MYT1: variants seen among roughly 807,000 people sequenced by gnomAD.
MYT1 encodes the protein myelin transcription factor I.
MYT1 carries 23 observed loss-of-function variants against 123.0 expected under a neutral mutation model. That is an observed-to-expected ratio of 0.19 (90% confidence interval 0.13 to 0.26). The LOEUF is 0.26. Among genes scored for constraint, MYT1 ranks in the 10% least tolerant of loss-of-function variants. The pLI is 1.00. For synonymous variants in MYT1, 518 were observed against 575.3 expected, an observed-to-expected ratio of 0.90 and a Z score of 1.43; for missense variants, 1,125 against 1,472.5, an observed-to-expected ratio of 0.76 and a Z score of 3.86.
In MYT1 at chr20:64,212,791, T is replaced by C. The variant is rs1014351373; in HGVS notation, c.1517+653T>C. ...GGTGTAGTTGTTGACTGGTCTTCTA[T>C]GGTGAGGGGGGACTACTCCTCCAGC... On this transcript the variant is annotated intron_variant, in intron 9 of 22. Coordinates refer to ENST00000328439, the MANE Select transcript of MYT1 (RefSeq NM_004535.3). This position sits in a 1 kb window ranked among gnomAD's most constrained non-coding sequence, Gnocchi z 6.8. 6.6e-5 allele frequency among the ~76,000 whole-genome samples: 10 copies of C among 151,904 alleles called. No individual in the cohort carries two copies. The highest frequency in any genetic ancestry group is 1.9e-4 in the African/African-American group (8 of 41,344).
chr20:64,236,740 GA>G (rs1346311709), intron 20 of MYT1, 94 bp downstream of exon 20: 2 of 1,081,796 alleles, frequency 1.8e-6, no homozygotes, highest in African/African-American at 3.1e-5. Context: ...GAAGGTTAGG[GA>G]GATGAAGCCC....
intron 10 of MYT1, 70 bp from the exon 11 acceptor site, chr20:64,216,997 G>T: frequency 6.9e-7 from 1 of 1,459,226 alleles, no homozygotes; most frequent in African/African-American, 1.4e-5. Context: ...TGCAGATTGG[G>T]GTTGGGGAGG....
rs184628913 is a variant in MYT1 at position 64,202,021 on chromosome 20, G to A, written c.86+2099G>A. Among the ~76,000 whole-genome samples the A allele has an allele frequency of 5.2e-4, 78 of 150,600 alleles. No individual in the cohort carries two copies. The highest frequency in any genetic ancestry group is 3.4e-3 in the Admixed American group (51 of 15,138). Reference sequence around the variant, plus strand: ...CCCCCGCGTGTCGGGAACCCCTCGCGTGTCGGGAACCCCCGCGTGTCGGGA... The same window carrying A: ...CCCCCGCGTGTCGGGAACCCCTCGCATGTCGGGAACCCCCGCGTGTCGGGA... On this transcript the variant is annotated intron_variant, in intron 4 of 22. Transcript: ENST00000328439. This position sits in a 1 kb window ranked among gnomAD's most constrained non-coding sequence, Gnocchi z 5.0.
chr20:64,173,517 GACTTCTCCTCCTGCAGCATCCTTCCCTT>G (rs1982355693), intron 1 of MYT1, among the ~76,000 whole-genome samples: 16 of 128,244 alleles, frequency 1.2e-4, no homozygotes, highest in South Asian at 7.9e-4. Flanking sequence ...TCCCCTCCCT[GACTTCTCCTCCTGCAGCATCCTTCCCTT>G]TAGTTGTGTC....
At chr20:64,177,630 C>CACCCCTCTCCAGGGT (rs1982505468) in intron 1 of MYT1, among the ~76,000 whole-genome samples, 1 of 139,438 alleles carries the variant, frequency 7.2e-6, no homozygotes, top group Non-Finnish European at 1.5e-5. Context: ...TCTCCGGGGG[C>CACCCCTCTCCAGGGT]GGGGACAAGA....
At position 64,212,785 on chromosome 20, in the gene MYT1, C is replaced by T. The variant is rs1055976788; in HGVS notation, c.1517+647C>T. 1.3e-5 allele frequency among the ~76,000 whole-genome samples: 2 copies of T among 151,928 alleles called. No individual in the cohort carries two copies. Among genetic ancestry groups the T allele is most frequent in the Admixed American group, 1.3e-4 (2 of 15,260 alleles). ...CCTCGAGGTGTAGTTGTTGACTGGT[C>T]TTCTATGGTGAGGGGGGACTACTCC... On this transcript the variant is annotated intron_variant, in intron 9 of 22. Transcript: ENST00000328439. The surrounding 1 kb of genome is among the most constrained non-coding windows in gnomAD (Gnocchi z 6.8).
At chr20:64,234,215 G>C (rs886840441) in intron 19 of MYT1, among the ~76,000 whole-genome samples, 2 of 152,176 alleles carry the variant, frequency 1.3e-5, no homozygotes, top group African/African-American at 2.4e-5. Context: ...TTTTCTGCTT[G>C]AGTGTCTATA....
chr20:64,219,161 C>A, intron 12 of MYT1, 126 bp downstream of exon 12: 1 of 1,313,502 alleles, frequency 7.6e-7, no homozygotes, highest in South Asian at 1.5e-5. Flanking sequence ...AATTCTCATT[C>A]TTAACTTTTT....
chr20:64,241,873 A>G lies in MYT1; in HGVS notation c.*1425A>G, dbSNP rs1189012455. 1.3e-5 allele frequency: 2 copies of G among 152,200 alleles called. No individual in the cohort carries two copies. The highest frequency in any genetic ancestry group is 4.8e-5 in the African/African-American group (2 of 41,350). The allele number at this position is 152,200 out of a possible 1,614,324, so 9.4% of individuals were successfully genotyped here. On this transcript the variant is annotated 3_prime_UTR_variant, in exon 23 of 23. Transcript: ENST00000328439. The surrounding 1 kb of genome is among the most constrained non-coding windows in gnomAD (Gnocchi z 4.2). The stretch of plus-strand genomic sequence containing the variant: ...ACTGAGGAATTTTGATAATTTGGGG[A>G]TTTTGTTTTCCCTTGGTCTAATGGA...
Position 64,205,700 on chromosome 20 carries a change from G to A in MYT1, c.297G>A (p.Val99=), listed in dbSNP as rs1983468988. ...VDSDGSEDTE[V]KDASVSDESE... The stretch of plus-strand genomic sequence containing the variant: ...GCGACGGCAGTGAGGACACTGAGGT[G>A]AAGGACGCCTCTGTTTCGGATGAAT... The change falls in exon 6 of 23, where the codon GTG becomes GTA. Residue 99 remains valine, a synonymous_variant. Coordinates refer to ENST00000328439, the MANE Select transcript of MYT1 (RefSeq NM_004535.3). 1 of 1,614,200 alleles carries A rather than the reference G, an allele frequency of 6.2e-7. No individual in the cohort carries two copies. Among genetic ancestry groups the A allele is most frequent in the Non-Finnish European group, 8.5e-7 (1 of 1,180,018 alleles).
intron 1 of MYT1, among the ~76,000 whole-genome samples, chr20:64,165,025 AG>A (rs1432856158): frequency 6.6e-6 from 1 of 152,058 alleles, no homozygotes; most frequent in Non-Finnish European, 1.5e-5. Flanking sequence ...AGGAGACATT[AG>A]GGGAAGGGGA....
At chr20:64,180,886 A>C (rs1982635205) in intron 1 of MYT1, among the ~76,000 whole-genome samples, 1 of 151,902 alleles carries the variant, frequency 6.6e-6, no homozygotes, top group Non-Finnish European at 1.5e-5. Context: ...TGCCACATGC[A>C]CCTCCCTGCC....
At position 64,239,755 on chromosome 20, in the gene MYT1, C is replaced by T. The variant is rs146482992; in HGVS notation, c.3094-5C>T. ...GGCGGCACTTCGAATCTCTCTCTGG[C>T]ACAGATCTCCTCCATGGAGAAGAAC... On this transcript the variant is annotated splice_polypyrimidine_tract_variant and splice_region_variant and intron_variant, in intron 21 of 22. Coordinates refer to ENST00000328439, the MANE Select transcript of MYT1 (RefSeq NM_004535.3). The T allele has an allele frequency of 9.4e-5, 151 of 1,613,796 alleles. No homozygotes were observed. The highest frequency in any genetic ancestry group is 1.2e-4 in the Non-Finnish European group (145 of 1,179,930).
intron 1 of MYT1, among the ~76,000 whole-genome samples, chr20:64,187,336 G>C (rs1385205796): frequency 6.4e-5 from 9 of 141,210 alleles, no homozygotes; most frequent in Admixed American, 1.4e-4. Flanking sequence ...TCCGTGGAGA[G>C]TTTTCCTGTA....
At position 64,193,393 on chromosome 20, in the gene MYT1, G is replaced by T. The variant is rs948580676; in HGVS notation, c.-1+3233G>T. Among the ~76,000 whole-genome samples the T allele has an allele frequency of 6.6e-6, 1 of 152,154 alleles. No individual in the cohort carries two copies. Among genetic ancestry groups the T allele is most frequent in the East Asian group, 1.9e-4 (1 of 5,186 alleles). On this transcript the variant is annotated intron_variant, in intron 2 of 22. Coordinates refer to ENST00000328439, the MANE Select transcript of MYT1 (RefSeq NM_004535.3). The surrounding 1 kb of genome is among the most constrained non-coding windows in gnomAD (Gnocchi z 4.0). Reference sequence around the variant, plus strand: ...AGCAGAAGATCCTCCTGGGATACTCGGGAGGGGAGCAACACAAATGCTTGA... The same window carrying T: ...AGCAGAAGATCCTCCTGGGATACTCTGGAGGGGAGCAACACAAATGCTTGA...
chr20:64,183,330 T>C (rs995472314), intron 1 of MYT1, among the ~76,000 whole-genome samples: 1 of 152,256 alleles, frequency 6.6e-6, no homozygotes, highest in African/African-American at 2.4e-5. Context: ...ATAAAGCTGC[T>C]ATGAATAGTT....
Position 64,240,827 on chromosome 20 carries a change from G to A in MYT1, c.*379G>A, listed in dbSNP as rs950684658. 6 of 189,342 alleles carry A rather than the reference G, an allele frequency of 3.2e-5. No individual in the cohort carries two copies. In the South Asian group the frequency reaches 6.8e-4, roughly 21 times the overall value. The allele number at this position is 189,342 out of a possible 1,614,324, so 11.7% of individuals were successfully genotyped here. ...CGAGGCTGGGAGGGTAGCCGTGAGCGTGGTGGGTGGGTGGTGTGAGTGGCA... is the reference window on the plus strand; with the variant it reads ...CGAGGCTGGGAGGGTAGCCGTGAGCATGGTGGGTGGGTGGTGTGAGTGGCA... On this transcript the variant is annotated 3_prime_UTR_variant, in exon 23 of 23. Coordinates refer to ENST00000328439, the MANE Select transcript of MYT1 (RefSeq NM_004535.3).
chr20:64,238,653 G>A (rs1568724074), intron 21 of MYT1, among the ~76,000 whole-genome samples: 1 of 152,218 alleles, frequency 6.6e-6, no homozygotes, highest in Non-Finnish European at 1.5e-5. Flanking sequence ...TCCCCTCCTG[G>A]TGTCTCTGAG....
chr20:64,222,974 G>T, intron 14 of MYT1, 137 bp from the exon 15 acceptor site: 2 of 854,100 alleles, frequency 2.3e-6, no homozygotes, highest in South Asian at 1.4e-5. Context: ...GTCCTCCAAG[G>T]ACTGAGTGGA....
Sources: gnomAD v4.1 joint callset for allele counts (sites outside exome capture counted in the v4.1 genomes callset) on GRCh38, gnomAD v4.1.1 for gene constraint, Gnocchi (gnomAD v3.1) non-coding constraint, MANE v1.5 for transcripts, NCBI Gene and HGNC (gene_info 2026-07-23, HGNC 2026-07-21) for gene names.